Variants in BCL7A observed in about 807,000 individuals in gnomAD.
The protein encoded by BCL7A is B-cell CLL/lymphoma 7 protein family member A.
A neutral mutation model predicts 28.4 loss-of-function variants in BCL7A; 11 were observed. The ratio of observed to expected loss-of-function variants is 0.39; its 90% CI spans 0.24 to 0.64. BCL7A has a LOEUF of 0.64. Among genes scored for constraint, BCL7A ranks in the 30% least tolerant of loss-of-function variants. The probability of loss-of-function intolerance (pLI) is 0.50; values close to 1 mark genes in which losing one functional copy is unlikely to be tolerated. For missense variants in BCL7A, 222 were observed against 274.8 expected, an observed-to-expected ratio of 0.81 and a Z score of 1.36; for synonymous variants, 123 against 103.3, an observed-to-expected ratio of 1.19 and a Z score of -1.15.
rs760453101 is a variant in BCL7A at position 122,060,462 on chromosome 12, C to T, written c.*1299C>T. 2 of 230,750 alleles carry T rather than the reference C, an allele frequency of 8.7e-6. No individual in the cohort carries two copies. The highest frequency in any genetic ancestry group is 4.4e-5 in the African/African-American group (2 of 45,172). The allele number at this position is 230,750 out of a possible 1,614,324, so 14.3% of individuals were successfully genotyped here. On this transcript the variant is annotated 3_prime_UTR_variant, in exon 6 of 6. Transcript: ENST00000261822. ...TCCCCTCCCTCCCATCCCCCACCTT[C>T]GCTGGAACAGCTTCCTCTCACTGAA...
intron 5 of BCL7A, among the ~76,000 whole-genome samples, chr12:122,056,469 G>A (rs548852952): frequency 6.6e-6 from 1 of 152,186 alleles, no homozygotes; most frequent in African/African-American, 2.4e-5. Context: ...TGACATGGAG[G>A]ATGTACTCCA....
intron 4 of BCL7A, among the ~76,000 whole-genome samples, chr12:122,048,890 G>A (rs1403372926): frequency 1.3e-5 from 2 of 151,372 alleles, no homozygotes; most frequent in East Asian, 2.0e-4. Flanking sequence ...GTGTGGTGGC[G>A]AGCACCTGTA....
chr12:122,031,315 A>G (rs1043228402), intron 2 of BCL7A, among the ~76,000 whole-genome samples: 1 of 151,980 alleles, frequency 6.6e-6, no homozygotes, highest in Non-Finnish European at 1.5e-5. Flanking sequence ...GGCGTGAACC[A>G]GTGCGCCCGG....
intron 4 of BCL7A, 35 bp from the exon 5 acceptor site, chr12:122,054,770 T>C: frequency 1.2e-6 from 2 of 1,603,766 alleles, no homozygotes; most frequent in Non-Finnish European, 8.5e-7. Context: ...CTCACGTGTC[T>C]GAAAACAGCT....
rs1487930869 is a variant in BCL7A, at chr12:122,029,489, G to A, written c.93-1211G>A. Among the ~76,000 whole-genome samples, 1 of 152,204 alleles carries A rather than the reference G, an allele frequency of 6.6e-6. No individual in the cohort carries two copies. The highest frequency in any genetic ancestry group is 2.4e-5 in the African/African-American group (1 of 41,456). On this transcript the variant is annotated intron_variant, in intron 1 of 5. Coordinates refer to ENST00000261822, the MANE Select transcript of BCL7A (RefSeq NM_001024808.3). The surrounding 1 kb of genome is among the most constrained non-coding windows in gnomAD (Gnocchi z 4.3). ...CAAAAAAAGGTGCCAGGCAGCTCAC[G>A]GACAGAGGTGCTCGTGCCACACAGA... is the stretch of plus-strand genomic sequence containing the variant.
At chr12:122,046,904 G>GTT (rs746529090) in intron 4 of BCL7A, among the ~76,000 whole-genome samples, 28 of 138,848 alleles carry the variant, frequency 2.0e-4, no homozygotes, top group Non-Finnish European at 2.4e-4. Context: ...TATTTCTTGG[G>GTT]TTTTTTTTTT....
intron 1 of BCL7A, among the ~76,000 whole-genome samples, chr12:122,022,427 C>T (rs1295598379): frequency 1.2e-4 from 17 of 142,358 alleles, no homozygotes; most frequent in Admixed American, 1.0e-3. Flanking sequence ...CGCGGCGGCC[C>T]GGAGGCGGCG....
intron 2 of BCL7A, among the ~76,000 whole-genome samples, chr12:122,034,741 CAAA>C (rs758389528): frequency 1.6e-5 from 2 of 122,046 alleles, no homozygotes; most frequent in Admixed American, 8.5e-5. Flanking sequence ...GACTCTGTCT[CAAA>C]AAAAAAAAAA....
chr12:122,057,270 C>T (rs550253743), intron 5 of BCL7A, among the ~76,000 whole-genome samples: 62 of 152,218 alleles, frequency 4.1e-4, no homozygotes, highest in Admixed American at 2.7e-3. Flanking sequence ...GCTTGAAGAA[C>T]GAAAGAGAGG....
chr12:122,045,461 TGCCTG>T (rs1884055762), intron 4 of BCL7A, among the ~76,000 whole-genome samples: 1 of 152,122 alleles, frequency 6.6e-6, no homozygotes, highest in African/African-American at 2.4e-5. Context: ...GTAAGGCCAC[TGCCTG>T]GCCTGGGTTT....
intron 2 of BCL7A, among the ~76,000 whole-genome samples, chr12:122,034,596 T>A (rs1366666911): frequency 1.3e-5 from 2 of 151,198 alleles, no homozygotes; most frequent in Non-Finnish European, 2.9e-5. Context: ...ATTAGCCGGG[T>A]GTGGTGGCAG....
chr12:122,038,444 AAAAAAAAAAAAAAAAGAGC>A (rs1199143281), intron 3 of BCL7A, among the ~76,000 whole-genome samples: 4 of 150,532 alleles, frequency 2.7e-5, no homozygotes, highest in Admixed American at 6.6e-5. Flanking sequence ...AAAAAAAAAA[AAAAAAAAAAAAAAAAGAGC>A]AGTGGGGCTT....
At chr12:122,047,245 C>T (rs964485899) in intron 4 of BCL7A, among the ~76,000 whole-genome samples, 6 of 150,906 alleles carry the variant, frequency 4.0e-5, no homozygotes, top group East Asian at 2.0e-4. Flanking sequence ...GGGTCTTGGC[C>T]GGGCGCAGTG....
chr12:122,059,280 G>A lies in BCL7A; in HGVS notation c.*117G>A, dbSNP rs1213895048. On this transcript the variant is annotated 3_prime_UTR_variant, in exon 6 of 6. Transcript: ENST00000261822. The surrounding 1 kb of genome is among the most constrained non-coding windows in gnomAD (Gnocchi z 4.0). The stretch of plus-strand genomic sequence containing the variant: ...GCGAACAGAACTACTAACGTTTCAA[G>A]TTTACCAAGTGCAAATCCAAGAAGA... 5 of 938,038 alleles carry A rather than the reference G, an allele frequency of 5.3e-6. No individual in the cohort carries two copies. Among genetic ancestry groups the A allele is most frequent in the Non-Finnish European group, 8.1e-6 (5 of 614,114 alleles). 58.1% of individuals were successfully genotyped at this position (938,038 alleles called of 1,614,324 possible).
chr12:122,028,978 G>A (rs377213206), intron 1 of BCL7A, among the ~76,000 whole-genome samples: 2 of 152,166 alleles, frequency 1.3e-5, no homozygotes, highest in Admixed American at 6.5e-5. Context: ...GGCAGGAGAC[G>A]GGCCAGTGGA....
intron 3 of BCL7A, among the ~76,000 whole-genome samples, chr12:122,038,457 A>AAG (rs1555223300): frequency 2.0e-5 from 3 of 151,428 alleles, no homozygotes; most frequent in Middle Eastern, 3.4e-3. Context: ...AAAAAAAAAA[A>AAG]AAGAGCAGTG....
At chr12:122,031,799 G>A (rs750471922) in intron 2 of BCL7A, among the ~76,000 whole-genome samples, 1 of 152,160 alleles carries the variant, frequency 6.6e-6, no homozygotes, top group African/African-American at 2.4e-5. Context: ...GAGGGAATGC[G>A]AGGCGCTGTC....
rs750976727 is a variant in BCL7A at position 122,029,590 on chromosome 12, G to A, written c.93-1110G>A. ...GCTACGTCGCCTGTACCAGGGGTGC[G>A]CCTGCCCCAACAGTGCCTGCTGGGC... On this transcript the variant is annotated intron_variant, in intron 1 of 5. Coordinates refer to ENST00000261822, the MANE Select transcript of BCL7A (RefSeq NM_001024808.3). This position sits in a 1 kb window ranked among gnomAD's most constrained non-coding sequence, Gnocchi z 4.3. Among the ~76,000 whole-genome samples, 2 of 152,174 alleles carry A rather than the reference G, an allele frequency of 1.3e-5. No homozygotes were observed. Among genetic ancestry groups the A allele is most frequent in the African/African-American group, 4.8e-5 (2 of 41,436 alleles).
intron 3 of BCL7A, among the ~76,000 whole-genome samples, chr12:122,042,281 A>G (rs997803504): frequency 6.6e-6 from 1 of 152,204 alleles, no homozygotes; most frequent in Non-Finnish European, 1.5e-5. Flanking sequence ...GATTTTCATG[A>G]ACACGGTGCC....
Sources: allele counts gnomAD v4.1 joint callset (sites outside exome capture counted in the v4.1 genomes callset), GRCh38; gene constraint gnomAD v4.1.1; non-coding constraint Gnocchi (gnomAD v3.1); transcripts MANE v1.5; gene names NCBI Gene and HGNC (gene_info 2026-07-23, HGNC 2026-07-21).